Variants in SIK2 observed in about 807,000 individuals in gnomAD.
SIK2 encodes the protein serine/threonine-protein kinase SIK2.
In SIK2, 29 loss-of-function variants were observed where a neutral mutation model predicts 103.2. The ratio of observed to expected loss-of-function variants is 0.28; its 90% confidence interval spans 0.21 to 0.38. The LOEUF (loss-of-function observed/expected upper bound fraction) is 0.38, where lower values mean the gene tolerates loss of function less well. Ranked by LOEUF, SIK2 falls within the 10% of genes least tolerant of loss-of-function variation. The pLI, the probability that SIK2 is intolerant of heterozygous loss-of-function variation, is 1.00. For synonymous variants in SIK2, 412 were observed against 446.1 expected, an observed-to-expected ratio of 0.92 and a Z score of 0.96; for missense variants, 879 against 1,171.0, an observed-to-expected ratio of 0.75 and a Z score of 3.64.
intron 3 of SIK2, chr11:111,683,123 T>C (rs1942797990): frequency 6.5e-6 from 1 of 152,828 alleles, no homozygotes; most frequent in Admixed American, 6.5e-5. Context: ...ATATGAGAGC[T>C]ATCTGGCTGT....
chr11:111,709,556 A>G (rs1206207211), intron 8 of SIK2, among the ~76,000 whole-genome samples: 3 of 152,262 alleles, frequency 2.0e-5, no homozygotes, highest in African/African-American at 7.2e-5. Flanking sequence ...TTTGTTGGAC[A>G]TAATCATTGC....
chr11:111,604,901 A>G (rs1045336891), intron 1 of SIK2, among the ~76,000 whole-genome samples: 1 of 152,062 alleles, frequency 6.6e-6, no homozygotes, highest in South Asian at 2.1e-4. Flanking sequence ...TGAAATGTCA[A>G]AGCAATCTTT....
intron 4 of SIK2, among the ~76,000 whole-genome samples, chr11:111,691,940 G>A (rs1942950764): frequency 6.6e-6 from 1 of 152,128 alleles, no homozygotes; most frequent in Non-Finnish European, 1.5e-5. Context: ...TGTTTTCAGG[G>A]ACATGAGGCT....
At chr11:111,660,839 C>CTTT (rs57174726) in intron 3 of SIK2, among the ~76,000 whole-genome samples, 5 of 90,396 alleles carry the variant, frequency 5.5e-5, no homozygotes, top group Admixed American at 1.4e-4. Flanking sequence ...GTGAAGTTGG[C>CTTT]TTTTTTTTTT....
chr11:111,604,294 CCTTG>C (rs1175421731), intron 1 of SIK2, among the ~76,000 whole-genome samples: 1 of 152,214 alleles, frequency 6.6e-6, no homozygotes, highest in Non-Finnish European at 1.5e-5. Flanking sequence ...TTTTATGAGT[CCTTG>C]CTTAATGACT....
chr11:111,675,537 G>A (rs191484091), intron 3 of SIK2, among the ~76,000 whole-genome samples: 38 of 152,214 alleles, frequency 2.5e-4, no homozygotes, highest in Admixed American at 2.3e-3. Context: ...ACTTCACGAT[G>A]TCATTATTAC....
At chr11:111,670,226 C>G (rs1266134058) in intron 3 of SIK2, among the ~76,000 whole-genome samples, 1 of 152,194 alleles carries the variant, frequency 6.6e-6, no homozygotes, top group East Asian at 1.9e-4. Flanking sequence ...CGCCTTTAAT[C>G]TATGTGTTAT....
intron 3 of SIK2, among the ~76,000 whole-genome samples, chr11:111,640,049 G>C (rs1942160097): frequency 6.6e-6 from 1 of 152,182 alleles, no homozygotes; most frequent in Non-Finnish European, 1.5e-5. Flanking sequence ...TGCATCCCTT[G>C]TGGTATTCCA....
At chr11:111,608,031 C>T (rs1941670721) in intron 1 of SIK2, among the ~76,000 whole-genome samples, 2 of 152,172 alleles carry the variant, frequency 1.3e-5, no homozygotes, top group South Asian at 4.1e-4. Context: ...TCCTTGGAGG[C>T]AAATGGGTTC....
At position 111,609,789 on chromosome 11, in the gene SIK2, A is replaced by G. The variant is rs117391887; in HGVS notation, c.136-6454A>G. ...AAAGTCTTTCATTATAGACCACTCAATCACACTTGCTTTTCAATCAAATGA... is the reference window on the plus strand; with the variant it reads ...AAAGTCTTTCATTATAGACCACTCAGTCACACTTGCTTTTCAATCAAATGA... On this transcript the variant is annotated intron_variant, in intron 1 of 14. Coordinates refer to ENST00000304987, the MANE Select transcript of SIK2 (RefSeq NM_015191.3). 6.6e-3 allele frequency among the ~76,000 whole-genome samples: 1,002 copies of G among 152,354 alleles called. 8 individuals carry two copies. Among genetic ancestry groups the G allele is most frequent in the Middle Eastern group, 0.054 (16 of 294 alleles).
intron 3 of SIK2, among the ~76,000 whole-genome samples, chr11:111,684,060 C>G (rs556956571): frequency 2.6e-5 from 4 of 152,296 alleles, no homozygotes; most frequent in South Asian, 2.1e-4. Flanking sequence ...TAGTTTGTCT[C>G]TGGAATTTAG....
intron 3 of SIK2, among the ~76,000 whole-genome samples, chr11:111,681,359 C>T (rs915380861): frequency 7.2e-5 from 11 of 152,170 alleles, no homozygotes; most frequent in Non-Finnish European, 1.5e-4. Context: ...TAATGAAAGG[C>T]ACCCTGAGAC....
chr11:111,638,335 A>G (rs1051621898), intron 3 of SIK2, among the ~76,000 whole-genome samples: 1 of 152,222 alleles, frequency 6.6e-6, no homozygotes, highest in African/African-American at 2.4e-5. Flanking sequence ...GGTAGAAATC[A>G]GGGCACTCAC....
chr11:111,703,109 A>T, intron 6 of SIK2, 94 bp from the exon 7 acceptor site: 1 of 1,094,044 alleles, frequency 9.1e-7, no homozygotes, highest in Non-Finnish European at 1.3e-6. Flanking sequence ...GGATACAAAG[A>T]TTAACACCCT....
In SIK2 at chr11:111,724,403, C is replaced by A. The variant is rs1451940353; in HGVS notation, c.*274C>A. On this transcript the variant is annotated 3_prime_UTR_variant, in exon 15 of 15. Transcript: ENST00000304987. ...GTGGAGCAAGCTCTCGAGGGCAGCA[C>A]TGACAAATGTGTTCCTAAGAAGACA... 6.4e-6 allele frequency: 3 copies of A among 471,970 alleles called. No homozygotes were observed. Among genetic ancestry groups the A allele is most frequent in the African/African-American group, 5.8e-5 (3 of 51,580 alleles). The allele number at this position is 471,970 out of a possible 1,614,324, so 29.2% of individuals were successfully genotyped here. A position where few individuals can be genotyped will look rare whatever the true frequency, so the allele number is the denominator to read the frequency against.
intron 9 of SIK2, chr11:111,718,892 G>C (rs1943720845): frequency 6.6e-6 from 1 of 152,248 alleles, no homozygotes; most frequent in African/African-American, 2.4e-5. Flanking sequence ...CCTCACAGGG[G>C]CCTTTACCAG....
At chr11:111,675,346 A>C (rs957899916) in intron 3 of SIK2, among the ~76,000 whole-genome samples, 2 of 152,224 alleles carry the variant, frequency 1.3e-5, no homozygotes, top group African/African-American at 4.8e-5. Flanking sequence ...AAGGGTATGG[A>C]TAAATCTCTT....
Position 111,729,886 on chromosome 11 carries a change from C to T in SIK2, c.*5757C>T, listed in dbSNP as rs1479371926. On this transcript the variant is annotated 3_prime_UTR_variant, in exon 15 of 15. Coordinates refer to ENST00000304987, the MANE Select transcript of SIK2 (RefSeq NM_015191.3). ...CCAGTTAACTGCAGAAGTTTAGGCT[C>T]ACCTCAAAGATGTCTAGTTTTTCCA... 1 of 152,256 alleles carries T rather than the reference C, an allele frequency of 6.6e-6. No individual in the cohort carries two copies. Among genetic ancestry groups the T allele is most frequent in the Non-Finnish European group, 1.5e-5 (1 of 68,078 alleles). The allele number at this position is 152,256 out of a possible 1,614,324, so 9.4% of individuals were successfully genotyped here.
chr11:111,644,300 AAAAAGAAAGAAAGAAAAAAG>A (rs1366219225), intron 3 of SIK2, among the ~76,000 whole-genome samples: 1 of 151,424 alleles, frequency 6.6e-6, no homozygotes, highest in African/African-American at 2.4e-5. Flanking sequence ...AAAAAAAAAA[AAAAAGAAAGAAAGAAAAAAG>A]AAAAGAAAGA....
Sources: gnomAD v4.1 joint callset for allele counts (sites outside exome capture counted in the v4.1 genomes callset) on GRCh38, gnomAD v4.1.1 for gene constraint, MANE v1.5 for transcripts, NCBI Gene and HGNC (gene_info 2026-07-23, HGNC 2026-07-21) for gene names.